Variants in UBE3B observed in about 807,000 individuals in gnomAD.
The protein encoded by UBE3B is ubiquitin protein ligase E3B.
UBE3B carries 80 observed loss-of-function variants against 132.3 expected under a neutral mutation model. The observed-to-expected ratio is 0.60, with a 90% CI of 0.50 to 0.73. The LOEUF is 0.73. Ranked by LOEUF, UBE3B falls within the 30% of genes least tolerant of loss-of-function variation. The pLI, the probability that UBE3B is intolerant of heterozygous loss-of-function variation, is 0.00. For synonymous variants in UBE3B, 487 were observed against 520.4 expected (o/e 0.94, Z 0.87); for missense variants, 1,196 against 1,362.5 (o/e 0.88, Z 1.92).
At chr12:109,487,897 C>T (rs1167875242) in intron 6 of UBE3B, among the ~76,000 whole-genome samples, 4 of 152,158 alleles carry the variant, frequency 2.6e-5, no homozygotes, top group Non-Finnish European at 5.9e-5. Flanking sequence ...TCTCCAAGGT[C>T]CCTTCCAGGT....
At chr12:109,502,904 G>T (rs1186330594) in intron 13 of UBE3B, 119 bp from the exon 14 acceptor site, 17 of 1,208,538 alleles carry the variant, frequency 1.4e-5, no homozygotes, top group Non-Finnish European at 2.0e-5. Context: ...TGAGTGAGTT[G>T]CCCCACTGTC....
At chr12:109,517,874 C>A in intron 19 of UBE3B, 1 of 405,126 alleles carries the variant, frequency 2.5e-6, no homozygotes, top group Non-Finnish European at 5.2e-6. Flanking sequence ...TTCATTTTCT[C>A]CCTCGGTGCA....
Position 109,534,334 on chromosome 12 carries a change from G to T in UBE3B, c.3016-257G>T. On this transcript the variant is annotated intron_variant, in intron 27 of 27. Coordinates refer to ENST00000342494, the MANE Select transcript of UBE3B (RefSeq NM_130466.4). The surrounding 1 kb of genome is among the most constrained non-coding windows in gnomAD (Gnocchi z 5.2). ...TTAACCAGTAATTCGCTGTGAACCG[G>T]AAGGCCCCATTTCCAAAAGCTTACT... 3 of 1,410,428 alleles carry T rather than the reference G, an allele frequency of 2.1e-6. No individual in the cohort carries two copies. The highest frequency in any genetic ancestry group is 2.8e-6 in the Non-Finnish European group (3 of 1,087,824). The allele number at this position is 1,410,428 out of a possible 1,614,324, so 87.4% of individuals were successfully genotyped here.
chr12:109,533,348 T>G (rs532465919), intron 26 of UBE3B, 118 bp from the exon 27 acceptor site: 7 of 954,062 alleles, frequency 7.3e-6, no homozygotes, highest in South Asian at 6.9e-5. Context: ...TACGGCTGGC[T>G]AGACAGCAGT....
rs1435666324 is a variant in UBE3B, at chr12:109,488,633, C to T, written c.509C>T (p.Thr170Ile). The change falls in exon 7 of 28, where the codon ACA becomes ATA. Residue 170 changes from threonine to isoleucine, a missense_variant. Coordinates refer to ENST00000342494, the MANE Select transcript of UBE3B (RefSeq NM_130466.4). The stretch of plus-strand genomic sequence containing the variant: ...TACCTCACGATGCTTGTCACCTTCA[C>T]AGACACTTCAACGTGGAAAATTCTT... ...TLYLTMLVTF[T>I]DTSTWKILRG... 1 of 1,614,194 alleles carries T rather than the reference C, an allele frequency of 6.2e-7. No individual in the cohort carries two copies. Among genetic ancestry groups the T allele is most frequent in the African/African-American group, 1.3e-5 (1 of 75,050 alleles).
At chr12:109,501,294 A>AT (rs1460754579) in intron 12 of UBE3B, 77 bp from the exon 13 acceptor site, 7 of 1,577,762 alleles carry the variant, frequency 4.4e-6, no homozygotes, top group Non-Finnish European at 6.0e-6. Flanking sequence ...GTGGAAGGCC[A>AT]TTAGGAACTG....
At chr12:109,500,298 G>A (rs1878799766) in intron 12 of UBE3B, among the ~76,000 whole-genome samples, 1 of 152,206 alleles carries the variant, frequency 6.6e-6, no homozygotes, top group Non-Finnish European at 1.5e-5. Flanking sequence ...CTAGAAGAAG[G>A]GAGATCAAGT....
At chr12:109,530,178 G>C in intron 25 of UBE3B, 106 bp downstream of exon 25, 1 of 1,314,748 alleles carries the variant, frequency 7.6e-7, no homozygotes, top group Middle Eastern at 2.7e-4. Flanking sequence ...CCTGTCTCCA[G>C]ATCTCCTTCT....
chr12:109,513,159 G>C (rs1309274886), intron 18 of UBE3B, among the ~76,000 whole-genome samples: 3 of 152,116 alleles, frequency 2.0e-5, no homozygotes, highest in Non-Finnish European at 4.4e-5. Context: ...GCCTCATCTG[G>C]TTTGGTGGTG....
the UBE3B span, among the ~76,000 whole-genome samples, chr12:109,546,377 C>T: frequency 6.6e-6 from 1 of 152,184 alleles, no homozygotes; most frequent in Non-Finnish European, 1.5e-5. Context: ...CAGAAGCCAG[C>T]TCTGCCTCAC....
chr12:109,485,324 G>A (rs1159695236), intron 4 of UBE3B, among the ~76,000 whole-genome samples: 2 of 152,160 alleles, frequency 1.3e-5, no homozygotes, highest in Admixed American at 6.5e-5. Context: ...GAAACAGGAC[G>A]GGCAAGATCT....
intron 24 of UBE3B, among the ~76,000 whole-genome samples, chr12:109,529,473 A>C (rs1310967832): frequency 1.3e-5 from 2 of 152,210 alleles, no homozygotes; most frequent in African/African-American, 4.8e-5. Context: ...TTCTATTTTA[A>C]AACTTATTAG....
downstream of UBE3B, among the ~76,000 whole-genome samples, chr12:109,537,744 G>A (rs915652008): frequency 6.6e-6 from 1 of 151,936 alleles, no homozygotes; most frequent in Non-Finnish European, 1.5e-5. Flanking sequence ...TCTCGCTGTC[G>A]CCCAGGTTGG....
At chr12:109,537,854 G>A (rs1477013563), downstream of UBE3B, among the ~76,000 whole-genome samples, 10 of 152,122 alleles carry the variant, frequency 6.6e-5, no homozygotes, top group African/African-American at 1.4e-4. Flanking sequence ...ACAGGTGCCC[G>A]CCACCTTGCC....
chr12:109,544,836 G>T, the UBE3B span, among the ~76,000 whole-genome samples: 1 of 152,218 alleles, frequency 6.6e-6, no homozygotes, highest in Non-Finnish European at 1.5e-5. Flanking sequence ...TGGGCACAGC[G>T]ATCTTGGCAA....
At chr12:109,484,902 G>A (rs962474455) in intron 4 of UBE3B, among the ~76,000 whole-genome samples, 6 of 152,036 alleles carry the variant, frequency 3.9e-5, no homozygotes, top group Admixed American at 2.0e-4. Flanking sequence ...GACTGCAGGT[G>A]TGTGCCACCA....
Position 109,534,159 on chromosome 12 carries a change from G to A in UBE3B, c.3016-432G>A. The A allele has an allele frequency of 7.8e-7, 1 of 1,274,014 alleles. No individual in the cohort carries two copies. Among genetic ancestry groups the A allele is most frequent in the Non-Finnish European group, 1.0e-6 (1 of 984,666 alleles). 78.9% of individuals were successfully genotyped at this position (1,274,014 alleles called of 1,614,324 possible). ...CCCGTGATGCCACCTTGTACAGGAA[G>A]CTACACAGTCCTCGGCCTCCATGCT... On this transcript the variant is annotated intron_variant, in intron 27 of 27. Coordinates refer to ENST00000342494, the MANE Select transcript of UBE3B (RefSeq NM_130466.4). This position sits in a 1 kb window ranked among gnomAD's most constrained non-coding sequence, Gnocchi z 5.2.
At chr12:109,489,508 C>T (rs181674075) in intron 7 of UBE3B, among the ~76,000 whole-genome samples, 1 of 152,310 alleles carries the variant, frequency 6.6e-6, no homozygotes, top group Admixed American at 6.5e-5. Flanking sequence ...AGGCATGACC[C>T]TGGCCTCTTG....
downstream of UBE3B, among the ~76,000 whole-genome samples, chr12:109,537,126 T>C (rs1001382): frequency 0.57 from 86,217 of 152,058 alleles, 25,467 homozygotes; most frequent in African/African-American, 0.72. Flanking sequence ...CTAAGATTAC[T>C]GGCATGAGCC....
Sources: gnomAD v4.1 joint callset for allele counts (sites outside exome capture counted in the v4.1 genomes callset) on GRCh38, gnomAD v4.1.1 for gene constraint, Gnocchi (gnomAD v3.1) non-coding constraint, MANE v1.5 for transcripts, NCBI Gene and HGNC (gene_info 2026-07-23, HGNC 2026-07-21) for gene names.